MACF1: variants seen among roughly 807,000 people sequenced by gnomAD.
MACF1 encodes microtubule actin crosslinking factor 1, also known as microtubule-actin cross-linking factor 1.
In MACF1, 193 loss-of-function variants were observed where a neutral mutation model predicts 854.8. The ratio of observed to expected loss-of-function variants is 0.23; its 90% confidence interval spans 0.20 to 0.25. The LOEUF (loss-of-function observed/expected upper bound fraction) is 0.25. Ranked by LOEUF, MACF1 falls within the 10% of genes least tolerant of loss-of-function variation. The pLI is 1.00. For synonymous variants in MACF1, 3,185 were observed against 3,226.7 expected, an observed-to-expected ratio of 0.99 and a Z score of 0.44; for missense variants, 7,722 against 8,929.1, an observed-to-expected ratio of 0.86 and a Z score of 5.45.
chr1:39,409,826 TGAA>T lies in MACF1; in HGVS notation c.15817-12545_15817-12543del, dbSNP rs1215235170. ...AATTCTTAGGAGCTTGGGCCATACT[TGAA>T]GACTAGAGAGGCTGTGCCATTGTTA... On this transcript the variant is annotated intron_variant, in intron 58 of 100. Coordinates refer to ENST00000564288, the MANE Select transcript of MACF1 (RefSeq NM_001394062.1). This position sits in a 1 kb window ranked among gnomAD's most constrained non-coding sequence, Gnocchi z 4.2. 1 of 156,488 alleles carries T rather than the reference TGAA, an allele frequency of 6.4e-6. No homozygotes were observed. The highest frequency in any genetic ancestry group is 2.4e-5 in the African/African-American group (1 of 41,538). 9.7% of individuals were successfully genotyped at this position (156,488 alleles called of 1,614,324 possible). A position where few individuals can be genotyped will look rare whatever the true frequency, so the allele number is the denominator to read the frequency against.
chr1:39,237,107 A>G (rs1227922161), intron 2 of MACF1, among the ~76,000 whole-genome samples: 2 of 152,208 alleles, frequency 1.3e-5, no homozygotes, highest in African/African-American at 2.4e-5. Flanking sequence ...AGCTTGCGCT[A>G]TAGCCACATG....
Position 39,287,501 on chromosome 1 carries a change from C to A in MACF1, c.1724C>A (p.Ser575Tyr), listed in dbSNP as rs1478240587. Residue 575 changes from serine (S) to tyrosine (Y), a missense_variant, in exon 15 of 101, where the codon TCT (serine) becomes TAT (tyrosine). Coordinates refer to ENST00000564288, the MANE Select transcript of MACF1 (RefSeq NM_001394062.1). ...TRAELVAISS[S>Y]EDEGNLRFVY... Reference sequence around the variant, plus strand: ...GCTGAACTTGTGGCCATCAGCTCCTCTGAAGATGAAGGCAATCTCCGATTT... The same window carrying A: ...GCTGAACTTGTGGCCATCAGCTCCTATGAAGATGAAGGCAATCTCCGATTT... The A allele has an allele frequency of 1.6e-5, 26 of 1,614,082 alleles. No homozygotes were observed. In the Admixed American group the frequency reaches 4.3e-4, roughly 27 times the overall value.
chr1:39,096,614 T>C (rs1641944225), intron 2 of MACF1, among the ~76,000 whole-genome samples: 1 of 151,398 alleles, frequency 6.6e-6, no homozygotes, highest in African/African-American at 2.4e-5. Context: ...AATCAGAAAG[T>C]TCCCGTAATC....
At chr1:39,343,157 CT>C (rs1345933902) in intron 40 of MACF1, among the ~76,000 whole-genome samples, 1 of 152,052 alleles carries the variant, frequency 6.6e-6, no homozygotes, top group South Asian at 2.1e-4. Context: ...ATATTGTTCT[CT>C]TTTTTTGTTC....
rs757821287 is a variant in MACF1, at chr1:39,331,669, G to C, written c.5081G>C (p.Arg1694Thr). 1 of 1,614,134 alleles carries C rather than the reference G, an allele frequency of 6.2e-7. No homozygotes were observed. The highest frequency in any genetic ancestry group is 2.2e-5 in the East Asian group (1 of 44,888). ...WLHSVLESYL[R>T]TSKNLIDPNT... ...CATTCAGTATTAGAGTCTTATCTTA[G>C]AACATCCAAGAATTTGATAGACCCT... The change falls in exon 37 of 101, where the codon AGA becomes ACA. Residue 1694 changes from arginine (R) to threonine (T), a missense_variant. Arg to Thr is a moderately conservative substitution (Grantham distance 71, BLOSUM62 -1). Coordinates refer to ENST00000564288, the MANE Select transcript of MACF1 (RefSeq NM_001394062.1).
At chr1:39,102,618 T>C (rs974588836) in intron 2 of MACF1, 10 of 617,670 alleles carry the variant, frequency 1.6e-5, no homozygotes, top group Non-Finnish European at 2.6e-5. Flanking sequence ...GCTTTAGGGA[T>C]AGGGGTATTT....
intron 2 of MACF1, among the ~76,000 whole-genome samples, chr1:39,111,061 T>A (rs944730150): frequency 6.6e-6 from 1 of 152,228 alleles, no homozygotes; most frequent in Admixed American, 6.5e-5. Context: ...TGAGCCATGT[T>A]GTGACTAGGT....
intron 89 of MACF1, chr1:39,458,090 A>G (rs1644478255): frequency 3.2e-6 from 1 of 307,694 alleles, no homozygotes; most frequent in Non-Finnish European, 6.1e-6. Context: ...ACTCATTACC[A>G]TGGGGAGGGC....
chr1:39,405,880 TG>T (rs943907773), intron 58 of MACF1, among the ~76,000 whole-genome samples: 8 of 149,958 alleles, frequency 5.3e-5, no homozygotes, highest in African/African-American at 2.0e-4. Flanking sequence ...AATGAACAGA[TG>T]CTTTTTTTTT....
chr1:39,342,074 C>T (rs910462658), intron 40 of MACF1, among the ~76,000 whole-genome samples: 4 of 151,134 alleles, frequency 2.6e-5, no homozygotes, highest in Non-Finnish European at 5.9e-5. Flanking sequence ...TCAAGTAGGC[C>T]CCAGTATCTG....
intron 22 of MACF1, among the ~76,000 whole-genome samples, chr1:39,302,620 T>G (rs1392965229): frequency 2.6e-5 from 4 of 152,244 alleles, no homozygotes; most frequent in Non-Finnish European, 5.9e-5. Context: ...TAGATTTTTG[T>G]GCTGAGATCG....
intron 1 of MACF1, among the ~76,000 whole-genome samples, chr1:39,224,848 C>G (rs986486756): frequency 1.3e-5 from 2 of 152,128 alleles, no homozygotes; most frequent in Non-Finnish European, 2.9e-5. Context: ...TGCTCAGAGA[C>G]CCTTGTTGAC....
chr1:39,459,792 T>A (rs200531949), intron 91 of MACF1: 1 of 1,299,196 alleles, frequency 7.7e-7, no homozygotes, highest in Admixed American at 2.3e-5. Flanking sequence ...ATATCTTTTG[T>A]ATTTTTTTAT....
At chr1:39,240,999 A>G (rs1203432546) in intron 2 of MACF1, among the ~76,000 whole-genome samples, 3 of 151,016 alleles carry the variant, frequency 2.0e-5, no homozygotes, top group Non-Finnish European at 4.4e-5. Flanking sequence ...TATTCCCTGC[A>G]TTTAAGCATA....
intron 72 of MACF1, 58 bp downstream of exon 72, chr1:39,439,558 A>C: frequency 2.9e-6 from 4 of 1,382,644 alleles, no homozygotes; most frequent in Non-Finnish European, 4.1e-6. Context: ...AAAGCACTTT[A>C]TCAAATCAAA....
Position 39,283,246 on chromosome 1 carries a change from A to G in MACF1, c.753A>G (p.Glu251=), listed in dbSNP as rs757286319. The G allele has an allele frequency of 6.2e-7, 1 of 1,614,096 alleles. No homozygotes were observed. The highest frequency in any genetic ancestry group is 1.1e-5 in the South Asian group (1 of 91,064). Residue 251 remains glutamate, a synonymous_variant, in exon 8 of 101, where the codon GAA becomes GAG. Coordinates refer to ENST00000564288, the MANE Select transcript of MACF1 (RefSeq NM_001394062.1). The surrounding 1 kb of genome is among the most constrained non-coding windows in gnomAD (Gnocchi z 4.5). ...VQIQSNRENL[E]QAFEVAERLG... ...TCCAAAGTAACCGAGAGAATCTGGA[A>G]CAGGCTTTTGAAGTGGCAGAAAGAC...
At chr1:39,107,560 A>C (rs1642278522) in intron 2 of MACF1, among the ~76,000 whole-genome samples, 1 of 152,056 alleles carries the variant, frequency 6.6e-6, no homozygotes, top group South Asian at 2.1e-4. Context: ...TCTCACTGGG[A>C]GGTCAGAGTG....
intron 2 of MACF1, among the ~76,000 whole-genome samples, chr1:39,131,843 T>C (rs1468126844): frequency 6.6e-6 from 1 of 152,218 alleles, no homozygotes; most frequent in East Asian, 1.9e-4. Flanking sequence ...GATGGGGTCT[T>C]GCAGTGTTGC....
Position 39,287,446 on chromosome 1 carries a change from A to ACCT in MACF1, c.1673_1675dup (p.Ser558dup). The ACCT allele has an allele frequency of 6.2e-7, 1 of 1,613,896 alleles. No individual in the cohort carries two copies. Among genetic ancestry groups the ACCT allele is most frequent in the Non-Finnish European group, 8.5e-7 (1 of 1,179,992 alleles). On this transcript the variant is annotated inframe_insertion, in exon 15 of 101. Coordinates refer to ENST00000564288, the MANE Select transcript of MACF1 (RefSeq NM_001394062.1). ...AACCAAGGCAACCCATTCTTCTTCT[A>ACCT]CCTCCTGGTTCCGAAAGCCTATGAC...
Sources: gnomAD v4.1 joint callset for allele counts (sites outside exome capture counted in the v4.1 genomes callset) on GRCh38, gnomAD v4.1.1 for gene constraint, Gnocchi (gnomAD v3.1) non-coding constraint, MANE v1.5 for transcripts, NCBI Gene and HGNC (gene_info 2026-07-23, HGNC 2026-07-21) for gene names.